PRTFDC1: variants seen among roughly 807,000 people sequenced by gnomAD.
PRTFDC1 encodes phosphoribosyltransferase domain-containing protein 1.
In PRTFDC1, 38 loss-of-function variants were observed where a neutral mutation model predicts 34.6. That is an observed-to-expected ratio of 1.10 (90% CI 0.85 to 1.44). The LOEUF is 1.44. PRTFDC1 is among the 40% of genes most tolerant of loss of function. The probability of loss-of-function intolerance (pLI) is 0.00; values close to 1 mark genes in which losing one functional copy is unlikely to be tolerated. For missense variants in PRTFDC1, 270 were observed against 283.0 expected, an observed-to-expected ratio of 0.95 and a Z score of 0.33; for synonymous variants, 93 against 98.1, an observed-to-expected ratio of 0.95 and a Z score of 0.31.
At chr10:24,908,122 T>G (rs1445013138) in intron 3 of PRTFDC1, among the ~76,000 whole-genome samples, 1 of 150,010 alleles carries the variant, frequency 6.7e-6, no homozygotes, top group Non-Finnish European at 1.5e-5. Flanking sequence ...AGGCCTTTTA[T>G]AGTAAGTTTC....
intron 3 of PRTFDC1, among the ~76,000 whole-genome samples, chr10:24,880,206 T>A (rs913023): frequency 0.83 from 126,945 of 152,136 alleles, 53,061 homozygotes; most frequent in South Asian, 0.86. Flanking sequence ...TACATAAAGT[T>A]TGTTCTGTCT....
intron 3 of PRTFDC1, among the ~76,000 whole-genome samples, chr10:24,910,931 A>C (rs1013984528): frequency 6.6e-6 from 1 of 151,416 alleles, no homozygotes; most frequent in Non-Finnish European, 1.5e-5. Context: ...TCCCAGGCTC[A>C]AGTGATCTTC....
chr10:24,872,822 T>C (rs1314052855), intron 3 of PRTFDC1, among the ~76,000 whole-genome samples: 19 of 139,876 alleles, frequency 1.4e-4, no homozygotes, highest in Admixed American at 8.7e-4. Flanking sequence ...TTTTTTTTTT[T>C]TTTTTGAGAC....
intron 2 of PRTFDC1, among the ~76,000 whole-genome samples, chr10:24,941,915 T>C (rs1481829609): frequency 6.6e-6 from 1 of 152,200 alleles, no homozygotes. Context: ...GGAATTTCCA[T>C]ATTTTCAATA....
intron 7 of PRTFDC1, among the ~76,000 whole-genome samples, chr10:24,851,822 A>G (rs1302916884): frequency 1.3e-5 from 2 of 151,612 alleles, no homozygotes; most frequent in African/African-American, 4.8e-5. Context: ...GCCAAAGGAA[A>G]CACTCTCAAC....
At chr10:24,852,089 C>A (rs1418235674) in intron 7 of PRTFDC1, among the ~76,000 whole-genome samples, 1 of 151,886 alleles carries the variant, frequency 6.6e-6, no homozygotes, top group Admixed American at 6.6e-5. Flanking sequence ...CTACTGAGGG[C>A]AGAATGAGAG....
chr10:24,861,817 T>C (rs1847684610), intron 4 of PRTFDC1, among the ~76,000 whole-genome samples: 2 of 152,098 alleles, frequency 1.3e-5, no homozygotes, highest in African/African-American at 4.8e-5. Context: ...TTTATTTTTA[T>C]TTTTTAGAGA....
Position 24,902,062 on chromosome 10 carries a change from C to T in PRTFDC1, c.340-29999G>A, listed in dbSNP as rs767750077. On this transcript the variant is annotated intron_variant, in intron 3 of 8. Transcript: ENST00000320152. ...TGTCCTGGTGACGATCCCTGCACAGCTGCAGTGGTTACTGGCAGTGAAAAC... is the reference window on the plus strand; with the variant it reads ...TGTCCTGGTGACGATCCCTGCACAGTTGCAGTGGTTACTGGCAGTGAAAAC... Among the ~76,000 whole-genome samples the T allele has an allele frequency of 3.3e-5, 5 of 152,262 alleles. No homozygotes were observed. The South Asian group carries it at 1.0e-3, about 32-fold the overall frequency.
rs114523499 is a variant in PRTFDC1 at position 24,895,947 on chromosome 10, T to G, written c.340-23884A>C. ...TAATCTAAAAACAAAATAAAACTAG[T>G]TCCCCCCCTTCTTTCTTTCACTGCA... On this transcript the variant is annotated intron_variant, in intron 3 of 8. Transcript: ENST00000320152. Among the ~76,000 whole-genome samples the G allele has an allele frequency of 6.2e-3, 940 of 152,044 alleles. 6 individuals are homozygous for G. Among genetic ancestry groups the G allele is most frequent in the African/African-American group, 0.021 (887 of 41,492 alleles).
chr10:24,876,373 T>C (rs775783716), intron 3 of PRTFDC1, among the ~76,000 whole-genome samples: 9 of 152,072 alleles, frequency 5.9e-5, no homozygotes, highest in Non-Finnish European at 1.0e-4. Context: ...TAGCATTCAG[T>C]AAATGCTAGA....
rs572556644 is a variant in PRTFDC1, at chr10:24,891,212, G to T, written c.340-19149C>A. On this transcript the variant is annotated intron_variant, in intron 3 of 8. Transcript: ENST00000320152. Reference sequence around the variant, plus strand: ...ATCGATTTATTCTTCTTGTGATCATGTAAATTTAATTTGCTGTAAAATTCA... The same window carrying T: ...ATCGATTTATTCTTCTTGTGATCATTTAAATTTAATTTGCTGTAAAATTCA... 1.2e-4 allele frequency among the ~76,000 whole-genome samples: 18 copies of T among 152,198 alleles called. No individual in the cohort carries two copies. The South Asian group carries it at 3.7e-3, about 32-fold the overall frequency.
rs147448699 is a variant in PRTFDC1 at position 24,889,131 on chromosome 10, T to C, written c.340-17068A>G. ...GTCATGAAGGCTGAGCCCTTGTGAA[T>C]TAGGATTAGTGCCTTTAGAAAAGAG... On this transcript the variant is annotated intron_variant, in intron 3 of 8. Coordinates refer to ENST00000320152, the MANE Select transcript of PRTFDC1 (RefSeq NM_020200.7). 7.9e-4 allele frequency among the ~76,000 whole-genome samples: 121 copies of C among 152,274 alleles called. 1 individual carries two copies. Among genetic ancestry groups the C allele is most frequent in the African/African-American group, 2.8e-3 (118 of 41,556 alleles).
At position 24,911,870 on chromosome 10, in the gene PRTFDC1, A is replaced by AC. The variant is rs201249236; in HGVS notation, c.339+25313_339+25314insG. On this transcript the variant is annotated intron_variant, in intron 3 of 8. Transcript: ENST00000320152. ...TGACAGAGCAAGACTCCATCTCAAA[A>AC]AAAACAAAACAAACAAACAAACAAA... is the stretch of plus-strand genomic sequence containing the variant. 7.6e-3 allele frequency among the ~76,000 whole-genome samples: 1,076 copies of AC among 141,254 alleles called. 16 individuals are homozygous for AC. Among genetic ancestry groups the AC allele is most frequent in the African/African-American group, 0.025 (1,022 of 40,604 alleles). The allele number at this position is 141,254 out of a possible 152,430, so 92.7% of individuals were successfully genotyped here. A position where few individuals can be genotyped will look rare whatever the true frequency, so the allele number is the denominator to read the frequency against.
chr10:24,865,795 A>G (rs1178418411), intron 4 of PRTFDC1, among the ~76,000 whole-genome samples: 1 of 152,206 alleles, frequency 6.6e-6, no homozygotes, highest in Non-Finnish European at 1.5e-5. Context: ...CCGTGATCAC[A>G]CTAATCAAGA....
intron 3 of PRTFDC1, among the ~76,000 whole-genome samples, chr10:24,906,729 G>A (rs1287567457): frequency 4.6e-5 from 7 of 152,170 alleles, no homozygotes; most frequent in Admixed American, 4.6e-4. Flanking sequence ...CATTTCACAG[G>A]AGCAACTGTG....
At chr10:24,939,826 C>T (rs988588410) in intron 2 of PRTFDC1, among the ~76,000 whole-genome samples, 1 of 141,344 alleles carries the variant, frequency 7.1e-6, no homozygotes, top group African/African-American at 2.6e-5. Flanking sequence ...GAAAAAGAAA[C>T]TCACTTTAAA....
At chr10:24,875,241 A>C (rs926324295) in intron 3 of PRTFDC1, among the ~76,000 whole-genome samples, 17 of 152,220 alleles carry the variant, frequency 1.1e-4, no homozygotes, top group African/African-American at 3.9e-4. Context: ...AACACTTCAG[A>C]TATTTATCAT....
intron 3 of PRTFDC1, among the ~76,000 whole-genome samples, chr10:24,874,329 T>C (rs1382410826): frequency 6.6e-6 from 1 of 152,174 alleles, no homozygotes; most frequent in Non-Finnish European, 1.5e-5. Flanking sequence ...GTCATGACAG[T>C]GGTTAAGGAC....
chr10:24,864,892 G>T (rs186445371), intron 4 of PRTFDC1, among the ~76,000 whole-genome samples: 1 of 152,284 alleles, frequency 6.6e-6, no homozygotes, highest in Admixed American at 6.5e-5. Flanking sequence ...AAGACAGGCA[G>T]ATTGCTTGAG....
Sources: gnomAD v4.1 joint callset for allele counts (sites outside exome capture counted in the v4.1 genomes callset) on GRCh38, gnomAD v4.1.1 for gene constraint, MANE v1.5 for transcripts, NCBI Gene and HGNC (gene_info 2026-07-23, HGNC 2026-07-21) for gene names.